SUGP2: variants seen among roughly 807,000 people sequenced by gnomAD.
The protein encoded by SUGP2 is SURP and G-patch domain-containing protein 2.
Under a neutral mutation model 90.5 loss-of-function variants are expected in SUGP2, and 24 were observed. The observed-to-expected ratio is 0.27, with a 90% CI of 0.19 to 0.37. The LOEUF (loss-of-function observed/expected upper bound fraction) is 0.37, where lower values mean the gene tolerates loss of function less well. Among genes scored for constraint, SUGP2 ranks in the 10% least tolerant of loss-of-function variants. The pLI is 1.00. For synonymous variants in SUGP2, 473 were observed against 513.4 expected (o/e 0.92, Z 1.06); for missense variants, 1,233 against 1,363.3 (o/e 0.90, Z 1.51).
At chr19:19,018,802 T>A (rs776344331) in intron 4 of SUGP2, among the ~76,000 whole-genome samples, 2 of 151,786 alleles carry the variant, frequency 1.3e-5, no homozygotes, top group South Asian at 2.1e-4. Flanking sequence ...GTATTACTAA[T>A]CTTACTACCC....
At chr19:18,998,310 A>G (rs2057691682) in intron 8 of SUGP2, among the ~76,000 whole-genome samples, 1 of 152,226 alleles carries the variant, frequency 6.6e-6, no homozygotes, top group Non-Finnish European at 1.5e-5. Context: ...GTTTCAAGAC[A>G]GGATCTTGCT....
intron 1 of SUGP2, among the ~76,000 whole-genome samples, chr19:19,032,594 T>C (rs2059217049): frequency 1.3e-5 from 2 of 152,062 alleles, no homozygotes; most frequent in African/African-American, 4.8e-5. Context: ...TGACAGTTCA[T>C]TCTGCGCTGG....
intron 4 of SUGP2, among the ~76,000 whole-genome samples, chr19:19,014,174 G>T (rs993674321): frequency 2.6e-5 from 4 of 152,102 alleles, no homozygotes; most frequent in Non-Finnish European, 5.9e-5. Flanking sequence ...TTTATTTTTA[G>T]TAGAGATGGG....
chr19:19,033,271 G>A (rs1027699932), intron 1 of SUGP2, 166 bp downstream of exon 1: 74 of 761,076 alleles, frequency 9.7e-5, no homozygotes, highest in Non-Finnish European at 1.2e-4. Context: ...GGCCCGGGAG[G>A]CCGCAGCCGG....
chr19:19,026,038 G>A lies in SUGP2; in HGVS notation c.310C>T (p.Arg104Cys), dbSNP rs746254911. ...NPSISDDSYF[R>C]KECGRDLEFS... ...TCCAGATCCCGGCCACATTCTTTGC[G>A]AAAGTAGCTGTCATCACTGATGGAA... Residue 104 changes from arginine to cysteine, a missense_variant, in exon 3 of 11, where the codon CGC becomes TGC. By Grantham distance (180) the Arg-to-Cys change is radical. Coordinates refer to ENST00000452918, the MANE Select transcript of SUGP2 (RefSeq NM_001017392.5). 3.1e-6 allele frequency: 5 copies of A among 1,614,032 alleles called. No homozygotes were observed. The highest frequency in any genetic ancestry group is 3.4e-6 in the Non-Finnish European group (4 of 1,180,008).
At chr19:19,030,054 C>T (rs2059091781) in intron 2 of SUGP2, among the ~76,000 whole-genome samples, 1 of 152,016 alleles carries the variant, frequency 6.6e-6, no homozygotes, top group African/African-American at 2.4e-5. Flanking sequence ...GTGGCTCACG[C>T]CTGTAATCGC....
chr19:19,031,938 C>T (rs2059175983), intron 1 of SUGP2, among the ~76,000 whole-genome samples: 1 of 149,802 alleles, frequency 6.7e-6, no homozygotes. Flanking sequence ...TTAAGGGGGT[C>T]TCTGCCCTCA....
intron 4 of SUGP2, among the ~76,000 whole-genome samples, chr19:19,011,293 G>A (rs1010946619): frequency 6.0e-5 from 9 of 151,206 alleles, no homozygotes; most frequent in East Asian, 4.0e-4. Flanking sequence ...GACTACAGGC[G>A]CGCACCACCA....
chr19:19,029,533 G>C (rs1239615172), intron 2 of SUGP2, among the ~76,000 whole-genome samples: 1 of 151,382 alleles, frequency 6.6e-6, no homozygotes, highest in Non-Finnish European at 1.5e-5. Context: ...CCACCTCCCG[G>C]GTTCACGGCA....
At chr19:19,013,570 C>G (rs2058383271) in intron 4 of SUGP2, among the ~76,000 whole-genome samples, 1 of 152,224 alleles carries the variant, frequency 6.6e-6, no homozygotes, top group Non-Finnish European at 1.5e-5. Context: ...GCCTGCACAC[C>G]TACCTCCCTC....
At chr19:19,029,226 C>G (rs1383609058) in intron 2 of SUGP2, among the ~76,000 whole-genome samples, 1 of 151,876 alleles carries the variant, frequency 6.6e-6, no homozygotes, top group Non-Finnish European at 1.5e-5. Context: ...GCTGCAACCT[C>G]CGCCTCCTGG....
At chr19:18,996,724 G>A (rs912890840) in intron 8 of SUGP2, among the ~76,000 whole-genome samples, 5 of 152,060 alleles carry the variant, frequency 3.3e-5, no homozygotes, top group African/African-American at 1.2e-4. Flanking sequence ...ACCTATTTTT[G>A]TATTTTTAGT....
chr19:18,994,537 A>G, intron 9 of SUGP2, 51 bp from the exon 10 acceptor site: 4 of 1,602,782 alleles, frequency 2.5e-6, no homozygotes, highest in Non-Finnish European at 3.4e-6. Context: ...AGGGCCTGGC[A>G]TGCCAGGAAC....
At chr19:19,001,296 G>A (rs2057822392) in intron 8 of SUGP2, among the ~76,000 whole-genome samples, 2 of 152,132 alleles carry the variant, frequency 1.3e-5, no homozygotes, top group African/African-American at 2.4e-5. Context: ...GATTACAGGC[G>A]TGAGCCACCA....
intron 4 of SUGP2, among the ~76,000 whole-genome samples, chr19:19,011,318 T>C (rs1335214342): frequency 6.6e-6 from 1 of 151,600 alleles, no homozygotes; most frequent in African/African-American, 2.4e-5. Flanking sequence ...TGGCTAATTT[T>C]TGTGTTTTTG....
Position 18,994,427 on chromosome 19 carries a change from G to C in SUGP2, c.3188C>G (p.Thr1063Arg). The C allele has an allele frequency of 1.2e-6, 2 of 1,614,222 alleles. No individual in the cohort carries two copies. Among genetic ancestry groups the C allele is most frequent in the African/African-American group, 1.3e-5 (1 of 75,070 alleles). Residue 1063 changes from threonine to arginine, a missense_variant, in exon 10 of 11, where the codon ACA becomes AGA. Around this residue, in one of 8 missense-constraint regions of SUGP2, gnomAD observed 53 missense variants for 55.3 expected, o/e 0.96. Coordinates refer to ENST00000452918, the MANE Select transcript of SUGP2 (RefSeq NM_001017392.5). ...CATCCTCTGTCGGAACACATCGAAT[G>C]TGTCTTCTTTGTGCTCCTGCCCGTC... ...GADGQEHKED[T>R]FDVFRQRMMQ... is the part of the protein sequence containing the mutation.
At chr19:19,031,147 C>G in intron 1 of SUGP2, 65 bp from the exon 2 acceptor site, 1 of 1,540,966 alleles carries the variant, frequency 6.5e-7, no homozygotes, top group Non-Finnish European at 8.7e-7. Context: ...GTGGCTCATA[C>G]CTGTAATCCT....
intron 9 of SUGP2, 27 bp downstream of exon 9, chr19:18,995,110 CACCCACT>C: frequency 6.3e-7 from 1 of 1,584,296 alleles, no homozygotes; most frequent in Non-Finnish European, 8.6e-7. Context: ...ACTGAGGCCC[CACCCACT>C]CCCACCCCAG....
chr19:19,005,043 G>C (rs552742335), intron 6 of SUGP2, among the ~76,000 whole-genome samples: 2 of 152,288 alleles, frequency 1.3e-5, no homozygotes, highest in Admixed American at 6.5e-5. Flanking sequence ...AGCATGGAGC[G>C]ATGCCAGGAG....
Sources: allele counts gnomAD v4.1 joint callset (sites outside exome capture counted in the v4.1 genomes callset), GRCh38; gene constraint gnomAD v4.1.1; regional missense constraint gnomAD v4.1.1; transcripts MANE v1.5; gene names NCBI Gene and HGNC (gene_info 2026-07-23, HGNC 2026-07-21).